Variants in PDE4D observed in about 807,000 individuals in gnomAD.
PDE4D encodes the protein 3',5'-cyclic-AMP phosphodiesterase 4D.
PDE4D carries 24 observed loss-of-function variants against 87.4 expected under a neutral mutation model. That is an observed-to-expected ratio of 0.27 (90% CI 0.20 to 0.39). The LOEUF is 0.39. Among genes scored for constraint, PDE4D ranks in the 10% least tolerant of loss-of-function variants. The probability of loss-of-function intolerance (pLI) is 1.00; values close to 1 mark genes in which losing one functional copy is unlikely to be tolerated. For missense variants in PDE4D, 714 were observed against 1,041.0 expected, an observed-to-expected ratio of 0.69 and a Z score of 4.32; for synonymous variants, 384 against 383.2, an observed-to-expected ratio of 1.00 and a Z score of -0.02.
At chr5:59,073,104 C>G (rs926823795) in intron 5 of PDE4D, among the ~76,000 whole-genome samples, 2 of 152,170 alleles carry the variant, frequency 1.3e-5, no homozygotes, top group African/African-American at 4.8e-5. Flanking sequence ...ATTAATTCAA[C>G]AAACTTTATT....
At chr5:59,776,217 A>G (rs1429201293) in intron 1 of PDE4D, among the ~76,000 whole-genome samples, 2 of 152,154 alleles carry the variant, frequency 1.3e-5, no homozygotes, top group South Asian at 2.1e-4. Flanking sequence ...CCATTTTGTA[A>G]TAAGTTAGCA....
rs2152756351 is a variant in PDE4D, at chr5:59,893,381, A to G, written c.242T>C (p.Leu81Pro). 1.6e-6 allele frequency: 2 copies of G among 1,241,838 alleles called. No individual in the cohort carries two copies. The highest frequency in any genetic ancestry group is 3.1e-4 in the Middle Eastern group (1 of 3,180). The allele number at this position is 1,241,838 out of a possible 1,614,324, so 76.9% of individuals were successfully genotyped here. ...CCCGGGCGGCGGCGGGGGCGGCGGC[A>G]GGGGGGGCGGCGGCGGCGGCTGTAG... ...CPLQPPPPPP[L>P]PPPPPPPGAA... Residue 81 changes from leucine (L) to proline (P), a missense_variant, in exon 1 of 15, where the codon CTG (leucine) becomes CCG (proline). By Grantham distance (98) the Leu-to-Pro change is moderately conservative. This residue lies in a region of PDE4D where 268 missense variants were observed against 272.9 expected (regional missense o/e 0.98). Coordinates refer to ENST00000340635, the MANE Select transcript of PDE4D (RefSeq NM_001104631.2).
intron 1 of PDE4D, among the ~76,000 whole-genome samples, chr5:60,285,414 T>C (rs1752325150): frequency 6.6e-6 from 1 of 151,956 alleles, no homozygotes; most frequent in Non-Finnish European, 1.5e-5. Context: ...TGTTGCTTAT[T>C]GAGCTTGTAA....
chr5:60,315,909 G>A (rs1322479853), intron 1 of PDE4D, among the ~76,000 whole-genome samples: 1 of 152,186 alleles, frequency 6.6e-6, no homozygotes, highest in African/African-American at 2.4e-5. Flanking sequence ...ATAGTTTGAA[G>A]TCAGGTAGCG....
intron 1 of PDE4D, among the ~76,000 whole-genome samples, chr5:59,418,364 C>T (rs143291705): frequency 9.9e-5 from 15 of 152,154 alleles, no homozygotes; most frequent in African/African-American, 2.4e-4. Context: ...TTTCTATAAA[C>T]GTTCATGTAT....
intron 1 of PDE4D, among the ~76,000 whole-genome samples, chr5:59,804,738 A>G (rs1043971137): frequency 2.6e-5 from 4 of 152,180 alleles, no homozygotes; most frequent in Admixed American, 6.5e-5. Context: ...TTTTGGTATC[A>G]GAAGTCCAAT....
intron 1 of PDE4D, among the ~76,000 whole-genome samples, chr5:59,320,319 C>T (rs1287842068): frequency 6.6e-6 from 1 of 152,030 alleles, no homozygotes; most frequent in Admixed American, 6.6e-5. Flanking sequence ...GTGCCTGGCA[C>T]TTAGTCTGGA....
chr5:59,058,824 G>A (rs1354263134), intron 5 of PDE4D, among the ~76,000 whole-genome samples: 1 of 152,018 alleles, frequency 6.6e-6, no homozygotes, highest in Non-Finnish European at 1.5e-5. Flanking sequence ...TTAAACTTGG[G>A]TCTCTTTTGC....
intron 5 of PDE4D, among the ~76,000 whole-genome samples, chr5:59,102,531 G>C (rs1770931565): frequency 6.6e-6 from 1 of 152,186 alleles, no homozygotes; most frequent in South Asian, 2.1e-4. Context: ...TAAGACCCAG[G>C]TTCCAACCTC....
At chr5:59,104,160 CT>C (rs35561012) in intron 5 of PDE4D, among the ~76,000 whole-genome samples, 26,769 of 152,104 alleles carry the variant, frequency 0.18, 2,688 homozygotes, top group African/African-American at 0.27. Context: ...AAAATTAAAC[CT>C]CAATAGTCTT....
At chr5:59,415,436 T>C (rs1793432058) in intron 1 of PDE4D, among the ~76,000 whole-genome samples, 1 of 152,186 alleles carries the variant, frequency 6.6e-6, no homozygotes, top group African/African-American at 2.4e-5. Context: ...ATGAACTGTC[T>C]AATACGGCAG....
chr5:59,012,089 C>T (rs1752927260), intron 6 of PDE4D, among the ~76,000 whole-genome samples: 1 of 152,178 alleles, frequency 6.6e-6, no homozygotes, highest in African/African-American at 2.4e-5. Flanking sequence ...AAATCCTTTA[C>T]AGACAAGCAA....
At chr5:59,721,593 T>C (rs573354033) in intron 1 of PDE4D, among the ~76,000 whole-genome samples, 1 of 152,246 alleles carries the variant, frequency 6.6e-6, no homozygotes, top group South Asian at 2.1e-4. Flanking sequence ...GTAGGCTGGG[T>C]CCAGATCATA....
intron 1 of PDE4D, among the ~76,000 whole-genome samples, chr5:59,754,777 T>C (rs991970387): frequency 6.8e-6 from 1 of 147,792 alleles, no homozygotes; most frequent in Non-Finnish European, 1.5e-5. Context: ...CATTGGCAGG[T>C]ACAGAATTTT....
intron 1 of PDE4D, among the ~76,000 whole-genome samples, chr5:60,466,034 G>A (rs1747326953): frequency 6.6e-6 from 1 of 152,152 alleles, no homozygotes; most frequent in Non-Finnish European, 1.5e-5. Context: ...GAACCATCAT[G>A]AGTTGGGAAC....
chr5:59,990,183 T>C (rs771664408), intron 2 of PDE4D, among the ~76,000 whole-genome samples: 73 of 152,164 alleles, frequency 4.8e-4, no homozygotes, highest in Non-Finnish European at 9.6e-4. Flanking sequence ...TCACTTAGGC[T>C]CATTGAGGTT....
intron 6 of PDE4D, among the ~76,000 whole-genome samples, chr5:58,997,046 A>G (rs138963781): frequency 1.3e-5 from 2 of 152,192 alleles, no homozygotes; most frequent in Non-Finnish European, 2.9e-5. Context: ...TCATTTTAAC[A>G]TAATTATAAA....
chr5:59,173,229 C>A (rs950953724), intron 5 of PDE4D, among the ~76,000 whole-genome samples: 19 of 152,236 alleles, frequency 1.2e-4, no homozygotes, highest in African/African-American at 4.3e-4. Flanking sequence ...TAGGACATAG[C>A]CCTTGTTTTC....
intron 1 of PDE4D, among the ~76,000 whole-genome samples, chr5:59,260,872 C>G (rs1761874461): frequency 6.7e-6 from 1 of 150,062 alleles, no homozygotes; most frequent in Admixed American, 6.7e-5. Flanking sequence ...CAAAATCTTA[C>G]AGTTTTTCCC....
Sources: gnomAD v4.1 joint callset for allele counts (sites outside exome capture counted in the v4.1 genomes callset) on GRCh38, gnomAD v4.1.1 for gene constraint, gnomAD v4.1.1 regional missense constraint, MANE v1.5 for transcripts, NCBI Gene and HGNC (gene_info 2026-07-23, HGNC 2026-07-21) for gene names.